Variants in ZSCAN25 observed in about 807,000 individuals in gnomAD.
The protein encoded by ZSCAN25 is zinc finger and SCAN domain containing 25, also known as zinc finger and SCAN domain-containing protein 25.
In ZSCAN25, 27 loss-of-function variants were observed where a neutral mutation model predicts 38.7. The observed-to-expected ratio is 0.70, with a 90% CI of 0.51 to 0.96. The LOEUF (loss-of-function observed/expected upper bound fraction) is 0.96. Among genes scored for constraint, ZSCAN25 ranks in the 40% least tolerant of loss-of-function variants. The pLI is 0.00. For missense variants in ZSCAN25, 637 were observed against 705.9 expected (o/e 0.90, Z 1.11); for synonymous variants, 273 against 277.7 (o/e 0.98, Z 0.17).
the ZSCAN25 span, among the ~76,000 whole-genome samples, chr7:99,649,442 G>A: frequency 6.6e-6 from 1 of 152,146 alleles, no homozygotes; most frequent in Non-Finnish European, 1.5e-5. Context: ...TTCTTTAAAT[G>A]TATCACCTGG....
the ZSCAN25 span, chr7:99,685,310 A>C: frequency 6.4e-7 from 1 of 1,570,510 alleles, no homozygotes; most frequent in Non-Finnish European, 8.7e-7. Context: ...AAAGTAAACA[A>C]AAAATGTATT....
At chr7:99,669,805 A>G in the ZSCAN25 span, among the ~76,000 whole-genome samples, 1 of 152,338 alleles carries the variant, frequency 6.6e-6, no homozygotes, top group East Asian at 1.9e-4. Flanking sequence ...AATATGTTAA[A>G]GCAATTTTCT....
chr7:99,717,069 C>A, the ZSCAN25 span: 1 of 1,427,708 alleles, frequency 7.0e-7, no homozygotes, highest in South Asian at 1.2e-5. Flanking sequence ...CACAGCCCTC[C>A]TTTTGTCTGG....
chr7:99,648,341 C>T, the ZSCAN25 span: 1 of 1,612,586 alleles, frequency 6.2e-7, no homozygotes, highest in Admixed American at 1.7e-5. Flanking sequence ...TTGAATCCAC[C>T]TTTAGAACAA....
chr7:99,638,412 A>T, the ZSCAN25 span: 3 of 1,586,218 alleles, frequency 1.9e-6, no homozygotes, highest in Non-Finnish European at 2.6e-6. Context: ...GTTGGTGAAG[A>T]TGAGGATTAT....
chr7:99,676,492 G>A, the ZSCAN25 span: 1 of 1,395,434 alleles, frequency 7.2e-7, no homozygotes, highest in East Asian at 3.8e-5. Flanking sequence ...CTCCTGAGAG[G>A]TTCAGGCAGG....
At chr7:99,733,492 G>T in the ZSCAN25 span, among the ~76,000 whole-genome samples, 1 of 152,150 alleles carries the variant, frequency 6.6e-6, no homozygotes, top group Non-Finnish European at 1.5e-5. Flanking sequence ...GAAGGGCATG[G>T]TCTACACTAT....
At chr7:99,687,147 C>G in the ZSCAN25 span, among the ~76,000 whole-genome samples, 37 of 152,208 alleles carry the variant, frequency 2.4e-4, no homozygotes, top group Admixed American at 2.4e-3. Flanking sequence ...CAGCTCCTCA[C>G]CAGCAATGGA....
rs1807928087 is a variant in ZSCAN25, at chr7:99,630,670, C to A, written c.*650C>A. The A allele has an allele frequency of 2.0e-6, 2 of 985,484 alleles. No homozygotes were observed. Among genetic ancestry groups the A allele is most frequent in the Non-Finnish European group, 2.4e-6 (2 of 830,056 alleles). The allele number at this position is 985,484 out of a possible 1,614,324, so 61.0% of individuals were successfully genotyped here. A position where few individuals can be genotyped will look rare whatever the true frequency, so the allele number is the denominator to read the frequency against. On this transcript the variant is annotated 3_prime_UTR_variant, in exon 8 of 8. Transcript: ENST00000394152. Reference sequence around the variant, plus strand: ...CTTCCCTCCCCAGCTGGGATCTGCTCCCAGGCAACTGTGTGAATTTTACAT... The same window carrying A: ...CTTCCCTCCCCAGCTGGGATCTGCTACCAGGCAACTGTGTGAATTTTACAT...
the ZSCAN25 span, chr7:99,666,729 A>G: frequency 8.3e-4 from 1,336 of 1,613,910 alleles, 8 homozygotes; most frequent in Middle Eastern, 5.5e-3. Context: ...TTAAATGTGC[A>G]GACTCAAGTC....
At chr7:99,711,781 A>AAAC in the ZSCAN25 span, among the ~76,000 whole-genome samples, 107,113 of 151,248 alleles carry the variant, frequency 0.71, 43,600 homozygotes, top group Non-Finnish European at 0.91. Context: ...AAACAAAACA[A>AAAC]AACAACAACA....
the ZSCAN25 span, among the ~76,000 whole-genome samples, chr7:99,679,050 A>T: frequency 6.6e-6 from 1 of 152,258 alleles, no homozygotes; most frequent in Non-Finnish European, 1.5e-5. Context: ...GATTCCCATT[A>T]GGTGAGAAAC....
the ZSCAN25 span, among the ~76,000 whole-genome samples, chr7:99,683,800 C>T: frequency 6.6e-6 from 1 of 152,168 alleles, no homozygotes. Context: ...TACTAGGTCT[C>T]TGACTTGGAA....
chr7:99,650,396 A>G, the ZSCAN25 span, among the ~76,000 whole-genome samples: 3 of 152,212 alleles, frequency 2.0e-5, no homozygotes, highest in Non-Finnish European at 4.4e-5. Flanking sequence ...TTATTTCGTT[A>G]TAATCATCAT....
chr7:99,629,832 G>A lies in ZSCAN25; in HGVS notation c.1447G>A (p.Glu483Lys). The A allele has an allele frequency of 5.6e-6, 9 of 1,614,226 alleles. No homozygotes were observed. The highest frequency in any genetic ancestry group is 7.6e-6 in the Non-Finnish European group (9 of 1,180,032). Reference sequence around the variant, plus strand: ...GGTGCACCGGCGTGCCCACACTGGCGAGAAGCCATATGGGTGCCAGGTGTG... The same window carrying A: ...GGTGCACCGGCGTGCCCACACTGGCAAGAAGCCATATGGGTGCCAGGTGTG... ...LAVHRRAHTG[E>K]KPYGCQVCGK... is the part of the protein sequence containing the mutation. Residue 483 changes from glutamate to lysine, a missense_variant, in exon 8 of 8, where the codon GAG (glutamate) becomes AAG (lysine). Physicochemically the swap from Glu to Lys is moderately conservative, Grantham distance 56 (BLOSUM62 1). Coordinates refer to ENST00000394152, the MANE Select transcript of ZSCAN25 (RefSeq NM_145115.3). This position sits in a 1 kb window ranked among gnomAD's most constrained non-coding sequence, Gnocchi z 5.6.
At chr7:99,637,645 T>G in the ZSCAN25 span, among the ~76,000 whole-genome samples, 1 of 152,180 alleles carries the variant, frequency 6.6e-6, no homozygotes, top group Non-Finnish European at 1.5e-5. Context: ...ATGATATTAC[T>G]CATCATTTGC....
the ZSCAN25 span, among the ~76,000 whole-genome samples, chr7:99,687,210 C>T: frequency 4.6e-5 from 7 of 150,778 alleles, no homozygotes; most frequent in East Asian, 5.9e-4. Flanking sequence ...AGGCTTCAGA[C>T]GATCAAACTA....
chr7:99,663,952 C>T, the ZSCAN25 span: 2 of 1,570,348 alleles, frequency 1.3e-6, no homozygotes, highest in African/African-American at 2.8e-5. Flanking sequence ...GTCATTTAAC[C>T]ACCATCAGAT....
chr7:99,728,058 C>T, the ZSCAN25 span, among the ~76,000 whole-genome samples: 1 of 152,128 alleles, frequency 6.6e-6, no homozygotes. Flanking sequence ...CTACTTCTGT[C>T]CCTCATGGCC....
Sources: allele counts gnomAD v4.1 joint callset (sites outside exome capture counted in the v4.1 genomes callset), GRCh38; gene constraint gnomAD v4.1.1; non-coding constraint Gnocchi (gnomAD v3.1); transcripts MANE v1.5; gene names NCBI Gene and HGNC (gene_info 2026-07-23, HGNC 2026-07-21).